Variants in KLHDC10 observed in about 807,000 individuals in gnomAD.
KLHDC10 encodes the protein kelch domain containing 10, also known as kelch domain-containing protein 10.
In KLHDC10, 24 loss-of-function variants were observed where a neutral mutation model predicts 56.1. That is an observed-to-expected ratio of 0.43 (90% CI 0.31 to 0.60). KLHDC10 has a LOEUF of 0.60. KLHDC10 is among the 20% of genes least tolerant of loss of function. KLHDC10 has a pLI of 0.11. For missense variants in KLHDC10, 349 were observed against 567.0 expected, an observed-to-expected ratio of 0.62 and a Z score of 3.91; for synonymous variants, 188 against 207.1, an observed-to-expected ratio of 0.91 and a Z score of 0.79.
chr7:130,125,786 T>A, intron 6 of KLHDC10, 79 bp from the exon 7 acceptor site: 1 of 1,150,430 alleles, frequency 8.7e-7, no homozygotes, highest in Non-Finnish European at 1.2e-6. Flanking sequence ...ACAAAGTCTA[T>A]TTTTTAAAAA....
intron 5 of KLHDC10, among the ~76,000 whole-genome samples, chr7:130,123,135 C>T (rs549557634): frequency 1.3e-5 from 2 of 152,262 alleles, no homozygotes; most frequent in South Asian, 4.1e-4. Flanking sequence ...AGTAGCAGAT[C>T]TATATCTTTC....
rs572636408 is a variant in KLHDC10 at position 130,081,519 on chromosome 7, G to A, written c.166+10710G>A. Among the ~76,000 whole-genome samples the A allele has an allele frequency of 1.6e-4, 24 of 151,108 alleles. No individual in the cohort carries two copies. In the South Asian group the frequency reaches 4.0e-3, roughly 25 times the overall value. On this transcript the variant is annotated intron_variant, in intron 1 of 9. Coordinates refer to ENST00000335420, the MANE Select transcript of KLHDC10 (RefSeq NM_014997.4). ...ATTTTAGTAGAGACAGGGTTTCACCGTGTTGCCCAGGCTGGTTTTGAACTC... is the reference window on the plus strand; with the variant it reads ...ATTTTAGTAGAGACAGGGTTTCACCATGTTGCCCAGGCTGGTTTTGAACTC...
chr7:130,122,092 A>C lies in KLHDC10; in HGVS notation c.669A>C (p.Gly223=). The part of the protein sequence containing the change: ...AIINGSLYVF[G]GTTGYIYSTD... ...TCAATGGCTCCCTTTATGTCTTTGG[A>C]GGTACAACCGGCTATATTTACAGCA... The change falls in exon 5 of 10, where the codon GGA becomes GGC. Residue 223 remains glycine (G), a synonymous_variant. Transcript: ENST00000335420. 6.2e-7 allele frequency: 1 copy of C among 1,613,884 alleles called. No homozygotes were observed. The highest frequency in any genetic ancestry group is 8.5e-7 in the Non-Finnish European group (1 of 1,179,910).
intron 2 of KLHDC10, among the ~76,000 whole-genome samples, chr7:130,109,520 A>G (rs1245824909): frequency 6.6e-6 from 1 of 152,228 alleles, no homozygotes; most frequent in East Asian, 1.9e-4. Context: ...TATCAAAATT[A>G]GGCATCAACA....
intron 1 of KLHDC10, among the ~76,000 whole-genome samples, 182 bp from the exon 2 acceptor site, chr7:130,096,739 T>C (rs1795854359): frequency 6.6e-6 from 1 of 152,218 alleles, no homozygotes. Flanking sequence ...CCTTCATCAC[T>C]GCTTATATGT....
intron 1 of KLHDC10, among the ~76,000 whole-genome samples, chr7:130,085,002 CA>C (rs2116851859): frequency 6.6e-6 from 1 of 152,026 alleles, no homozygotes; most frequent in Admixed American, 6.6e-5. Context: ...GTGAGGCTCA[CA>C]ATGTTTTTTG....
chr7:130,124,437 T>C lies in KLHDC10; in HGVS notation c.780-14T>C. On this transcript the variant is annotated splice_polypyrimidine_tract_variant and intron_variant, in intron 5 of 9. Transcript: ENST00000335420. ...TTCACTTAATTATAAATGAATTTTA[T>C]TGTAAATTTTCAGATACCGACATGA... is the stretch of plus-strand genomic sequence containing the variant. The C allele has an allele frequency of 6.6e-7, 1 of 1,523,352 alleles. No homozygotes were observed. Among genetic ancestry groups the C allele is most frequent in the Non-Finnish European group, 9.1e-7 (1 of 1,100,462 alleles). 94.4% of individuals were successfully genotyped at this position (1,523,352 alleles called of 1,614,324 possible). A position where few individuals can be genotyped will look rare whatever the true frequency, so the allele number is the denominator to read the frequency against.
At chr7:130,086,750 G>T (rs187202404) in intron 1 of KLHDC10, among the ~76,000 whole-genome samples, 62 of 152,166 alleles carry the variant, frequency 4.1e-4, no homozygotes, top group African/African-American at 1.4e-3. Flanking sequence ...CCCAATTGAT[G>T]GATATTTAGC....
intron 2 of KLHDC10, among the ~76,000 whole-genome samples, chr7:130,115,229 T>C (rs567400293): frequency 6.6e-6 from 1 of 152,302 alleles, no homozygotes; most frequent in East Asian, 1.9e-4. Context: ...CATAAAAAAC[T>C]ACGTTCATCT....
At chr7:130,128,889 A>AAAAAAAAATATATATATATATATAT in intron 8 of KLHDC10, among the ~76,000 whole-genome samples, 70 of 66,910 alleles carry the variant, frequency 1.0e-3, no homozygotes, top group Non-Finnish European at 1.5e-3. Flanking sequence ...AAAAAAAAAA[A>AAAAAAAAATATATATATATATATAT]ATATATATAT....
intron 2 of KLHDC10, among the ~76,000 whole-genome samples, chr7:130,105,765 A>G (rs375514611): frequency 3.9e-5 from 6 of 152,168 alleles, no homozygotes; most frequent in African/African-American, 1.4e-4. Context: ...GGTGATGGTT[A>G]TATGTTCCTA....
At chr7:130,112,973 C>T (rs1796121295) in intron 2 of KLHDC10, among the ~76,000 whole-genome samples, 1 of 152,114 alleles carries the variant, frequency 6.6e-6, no homozygotes, top group South Asian at 2.1e-4. Flanking sequence ...CCAGTACCCA[C>T]ATTTAAAAAA....
intron 2 of KLHDC10, among the ~76,000 whole-genome samples, chr7:130,112,936 T>A (rs917534762): frequency 6.6e-6 from 1 of 152,088 alleles, no homozygotes; most frequent in African/African-American, 2.4e-5. Flanking sequence ...GTGTCAGAAA[T>A]AGGTAAACCA....
intron 2 of KLHDC10, among the ~76,000 whole-genome samples, chr7:130,099,961 C>T (rs556748357): frequency 1.4e-4 from 22 of 151,968 alleles, no homozygotes; most frequent in Admixed American, 1.1e-3. Context: ...TACAATTAGC[C>T]GGGTGTGGTG....
chr7:130,072,731 A>G (rs1438296827), intron 1 of KLHDC10, among the ~76,000 whole-genome samples: 1 of 150,382 alleles, frequency 6.6e-6, no homozygotes, highest in Non-Finnish European at 1.5e-5. Context: ...CCTTGGAGAT[A>G]AAACCTTTTA....
chr7:130,119,917 A>G (rs1227656230), intron 3 of KLHDC10, among the ~76,000 whole-genome samples: 1 of 151,400 alleles, frequency 6.6e-6, no homozygotes, highest in East Asian at 1.9e-4. Context: ...GAGCATATGT[A>G]TGAGTGAAGA....
intron 3 of KLHDC10, chr7:130,117,795 A>T (rs1442731909): frequency 6.7e-6 from 1 of 148,308 alleles, no homozygotes; most frequent in Non-Finnish European, 1.5e-5. Flanking sequence ...AGGCTGCAGA[A>T]GCTGTGATCA....
intron 3 of KLHDC10, among the ~76,000 whole-genome samples, chr7:130,117,868 A>G (rs975317569): frequency 2.4e-4 from 36 of 149,480 alleles, no homozygotes; most frequent in Non-Finnish European, 4.0e-4. Context: ...AAAAAAAAAA[A>G]AAAAAAGAAA....
At chr7:130,072,684 A>G (rs10241456) in intron 1 of KLHDC10, among the ~76,000 whole-genome samples, 54,550 of 151,894 alleles carry the variant, frequency 0.36, 10,624 homozygotes, top group Middle Eastern at 0.45. Context: ...ATTTTAGGTG[A>G]TGGGGAGGAA....
Sources: allele counts gnomAD v4.1 joint callset (sites outside exome capture counted in the v4.1 genomes callset), GRCh38; gene constraint gnomAD v4.1.1; transcripts MANE v1.5; gene names NCBI Gene and HGNC (gene_info 2026-07-23, HGNC 2026-07-21).